DTNB: variants seen among roughly 807,000 people sequenced by gnomAD.
DTNB encodes the protein DTN-B.
Under a neutral mutation model 90.7 loss-of-function variants are expected in DTNB, and 63 were observed. The ratio of observed to expected loss-of-function variants is 0.69; its 90% CI spans 0.57 to 0.86. The LOEUF (loss-of-function observed/expected upper bound fraction) is 0.86. DTNB is among the 40% of genes least tolerant of loss of function. The probability of loss-of-function intolerance (pLI) is 0.00; values close to 1 mark genes in which losing one functional copy is unlikely to be tolerated. For synonymous variants in DTNB, 277 were observed against 286.7 expected, an observed-to-expected ratio of 0.97 and a Z score of 0.34; for missense variants, 744 against 807.1, an observed-to-expected ratio of 0.92 and a Z score of 0.95.
chr2:25,432,178 A>G (rs1355059772), intron 14 of DTNB, among the ~76,000 whole-genome samples: 2 of 150,822 alleles, frequency 1.3e-5, no homozygotes, highest in African/African-American at 4.9e-5. Flanking sequence ...TGTAGTTTCC[A>G]TAATGTCTTA....
chr2:25,665,173 T>G lies in DTNB; in HGVS notation c.-2+8213A>C, dbSNP rs75372583. Among the ~76,000 whole-genome samples, 98 of 152,326 alleles carry G rather than the reference T, an allele frequency of 6.4e-4. No individual in the cohort carries two copies. In the East Asian group the frequency reaches 0.017, roughly 26 times the overall value. ...CAGGATGTCTCTGTACATGCCTTTG[T>G]GTTAAATAGCCTTTATTTCCTTTCC... On this transcript the variant is annotated intron_variant, in intron 1 of 20. Transcript: ENST00000406818.
intron 8 of DTNB, among the ~76,000 whole-genome samples, chr2:25,564,756 C>T (rs954074646): frequency 6.6e-6 from 1 of 152,070 alleles, no homozygotes; most frequent in African/African-American, 2.4e-5. Context: ...AAATATAATC[C>T]TATTTTGTTC....
chr2:25,396,779 T>C (rs1462235172), intron 16 of DTNB, among the ~76,000 whole-genome samples: 1 of 150,630 alleles, frequency 6.6e-6, no homozygotes, highest in Non-Finnish European at 1.5e-5. Context: ...ATAGCTCTTG[T>C]GACCATTCTG....
intron 5 of DTNB, among the ~76,000 whole-genome samples, chr2:25,600,313 G>C (rs1259681682): frequency 6.6e-6 from 1 of 152,192 alleles, no homozygotes; most frequent in Non-Finnish European, 1.5e-5. Context: ...TTGCAATGCT[G>C]GAGTAGATGT....
intron 3 of DTNB, among the ~76,000 whole-genome samples, chr2:25,631,827 C>G: frequency 6.6e-6 from 1 of 152,094 alleles, no homozygotes; most frequent in East Asian, 1.9e-4. Flanking sequence ...ATAATGAGCA[C>G]TATATAAAGT....
At chr2:25,432,220 C>G (rs1051148247) in intron 14 of DTNB, among the ~76,000 whole-genome samples, 3 of 150,892 alleles carry the variant, frequency 2.0e-5, no homozygotes, top group African/African-American at 7.4e-5. Context: ...CACACACACA[C>G]ACACACACAC....
rs759398439 is a variant in DTNB, at chr2:25,576,849, G to C, written c.865C>G (p.His289Asp). The C allele has an allele frequency of 5.6e-6, 9 of 1,612,064 alleles. No homozygotes were observed. In the Admixed American group the frequency reaches 6.7e-5, roughly 12 times the overall value. The part of the protein sequence containing the change: ...PHSNQHQMKE[H>D]SSWKSPAKKL... ...CACAAAGCAGTTACCCAAGAGGAAT[G>C]CTCCTTCATCTGGTGCTGGTTGCTG... The change falls in exon 8 of 21, where the codon CAT becomes GAT. Residue 289 changes from histidine to aspartate, a missense_variant. His to Asp is a moderately conservative substitution (Grantham distance 81). Transcript: ENST00000406818.
In DTNB at chr2:25,673,526, T is replaced by C. The variant is rs1235050032; in HGVS notation, c.-142A>G. 1 of 149,210 alleles carries C rather than the reference T, an allele frequency of 6.7e-6. No homozygotes were observed. Among genetic ancestry groups the C allele is most frequent in the Non-Finnish European group, 1.5e-5 (1 of 66,886 alleles). 9.2% of individuals were successfully genotyped at this position (149,210 alleles called of 1,614,324 possible). On this transcript the variant is annotated 5_prime_UTR_variant, in exon 1 of 21. Coordinates refer to ENST00000406818, the MANE Select transcript of DTNB (RefSeq NM_021907.5). Reference sequence around the variant, plus strand: ...CCCGGAGCCACCCCCGCGGCGAACGTTCGCAGCGCCCGGCTCGCGCCGCTT... The same window carrying C: ...CCCGGAGCCACCCCCGCGGCGAACGCTCGCAGCGCCCGGCTCGCGCCGCTT...
chr2:25,478,532 T>C (rs775071881), intron 10 of DTNB, among the ~76,000 whole-genome samples: 77 of 147,724 alleles, frequency 5.2e-4, no homozygotes, highest in Non-Finnish European at 9.9e-4. Flanking sequence ...CTTCTTCTTC[T>C]TTTTTTTTTA....
At chr2:25,499,662 T>G (rs1004400066) in intron 9 of DTNB, among the ~76,000 whole-genome samples, 1 of 152,252 alleles carries the variant, frequency 6.6e-6, no homozygotes, top group African/African-American at 2.4e-5. Flanking sequence ...TAAATAATAC[T>G]TATCATAATT....
chr2:25,447,726 C>T (rs1208343400), intron 12 of DTNB, among the ~76,000 whole-genome samples: 1 of 151,930 alleles, frequency 6.6e-6, no homozygotes, highest in African/African-American at 2.4e-5. Flanking sequence ...CCAGGCTGGT[C>T]TTGAACTCCT....
In DTNB at chr2:25,427,579, G is replaced by A. The variant is rs761287975; in HGVS notation, c.1510C>T (p.Arg504Trp). ...TCTTCCAGCTGGACCATCAGCTCCC[G>A]CCTGCTCTCCTGCAGGGCCGACATC... ...QRMSALQESRRELMVQLEELM... is the reference protein window; with the variant it reads ...QRMSALQESRWELMVQLEELM... The change falls in exon 15 of 21, where the codon CGG becomes TGG. Residue 504 changes from arginine to tryptophan, a missense_variant. Physicochemically the swap from Arg to Trp is moderately radical, Grantham distance 101. Transcript: ENST00000406818. 1.1e-5 allele frequency: 18 copies of A among 1,613,462 alleles called. No individual in the cohort carries two copies. The highest frequency in any genetic ancestry group is 4.5e-5 in the East Asian group (2 of 44,868).
intron 9 of DTNB, among the ~76,000 whole-genome samples, chr2:25,524,849 T>G (rs1003254396): frequency 6.6e-6 from 1 of 152,198 alleles, no homozygotes; most frequent in Non-Finnish European, 1.5e-5. Flanking sequence ...CAAACATTTA[T>G]GAGCTGAACC....
chr2:25,438,729 G>A (rs1040926221), intron 12 of DTNB, among the ~76,000 whole-genome samples: 4 of 152,158 alleles, frequency 2.6e-5, no homozygotes, highest in African/African-American at 2.4e-5. Context: ...ACTTCCTTCC[G>A]AAGAGTCTGT....
At chr2:25,616,015 G>A (rs2070361063) in intron 4 of DTNB, among the ~76,000 whole-genome samples, 1 of 152,192 alleles carries the variant, frequency 6.6e-6, no homozygotes, top group Admixed American at 6.5e-5. Flanking sequence ...TTTGTTGGCA[G>A]TGATAAATCA....
At chr2:25,544,976 A>G (rs2082116082) in intron 8 of DTNB, among the ~76,000 whole-genome samples, 1 of 152,114 alleles carries the variant, frequency 6.6e-6, no homozygotes, top group Non-Finnish European at 1.5e-5. Flanking sequence ...TTGCTCTTGA[A>G]TAGATTAGCT....
intron 10 of DTNB, among the ~76,000 whole-genome samples, chr2:25,471,239 G>A (rs1426386181): frequency 2.0e-5 from 3 of 152,168 alleles, no homozygotes; most frequent in Non-Finnish European, 4.4e-5. Flanking sequence ...GACCTGGAGT[G>A]ACATGGGGCT....
intron 1 of DTNB, among the ~76,000 whole-genome samples, chr2:25,667,743 C>G (rs921495601): frequency 1.3e-5 from 2 of 152,114 alleles, no homozygotes; most frequent in Non-Finnish European, 2.9e-5. Context: ...TCTTACCATT[C>G]GACCCAGCAA....
chr2:25,578,630 C>T (rs2061072182), intron 7 of DTNB, among the ~76,000 whole-genome samples: 1 of 151,908 alleles, frequency 6.6e-6, no homozygotes, highest in African/African-American at 2.4e-5. Flanking sequence ...AAGCAGAGAA[C>T]CAGAATGATG....
Sources: gnomAD v4.1 joint callset for allele counts (sites outside exome capture counted in the v4.1 genomes callset) on GRCh38, gnomAD v4.1.1 for gene constraint, MANE v1.5 for transcripts, NCBI Gene and HGNC (gene_info 2026-07-23, HGNC 2026-07-21) for gene names.